Variants in MUC15 observed in about 807,000 individuals in gnomAD.
The protein encoded by MUC15 is mucin-15.
In MUC15, 23 loss-of-function variants were observed where a neutral mutation model predicts 24.0. The observed-to-expected ratio is 0.96, with a 90% CI of 0.69 to 1.36. MUC15 has a LOEUF of 1.36. MUC15 is among the 40% of genes most tolerant of loss of function. MUC15 has a pLI of 0.00. For synonymous variants in MUC15, 151 were observed against 156.3 expected, an observed-to-expected ratio of 0.97 and a Z score of 0.25; for missense variants, 442 against 428.2, an observed-to-expected ratio of 1.03 and a Z score of -0.29.
chr11:26,559,986 C>A lies in MUC15; in HGVS notation c.*1079G>T. ...AACTCTTGATCTCATCCTCTAATCT[C>A]TAAAACCTAGACTTTCCTACATCAA... On this transcript the variant is annotated 3_prime_UTR_variant, in exon 5 of 5. Coordinates refer to ENST00000529533, the MANE Select transcript of MUC15 (RefSeq NM_001135091.2). 1 of 425,622 alleles carries A rather than the reference C, an allele frequency of 2.3e-6. No homozygotes were observed. Among genetic ancestry groups the A allele is most frequent in the South Asian group, 7.3e-5 (1 of 13,762 alleles). 26.4% of individuals were successfully genotyped at this position (425,622 alleles called of 1,614,324 possible).
Position 26,559,910 on chromosome 11 carries a change from G to A in MUC15, c.*1155C>T. ...ATTCAAAAATAAAGCCTCTAGGTTG[G>A]TACTTGATTTGTTTGCTCTCTTCAT... On this transcript the variant is annotated 3_prime_UTR_variant, in exon 5 of 5. Coordinates refer to ENST00000529533, the MANE Select transcript of MUC15 (RefSeq NM_001135091.2). The A allele has an allele frequency of 1.5e-6, 1 of 688,108 alleles. No homozygotes were observed. Among genetic ancestry groups the A allele is most frequent in the Admixed American group, 2.2e-5 (1 of 45,014 alleles). 42.6% of individuals were successfully genotyped at this position (688,108 alleles called of 1,614,324 possible).
chr11:26,564,761 A>AG (rs1850490690), intron 3 of MUC15, among the ~76,000 whole-genome samples: 1 of 94,728 alleles, frequency 1.1e-5, no homozygotes, highest in Non-Finnish European at 2.0e-5. Flanking sequence ...ATATATATAT[A>AG]TATATATATA....
Position 26,565,653 on chromosome 11 carries a change from G to C in MUC15, c.287C>G (p.Ala96Gly), listed in dbSNP as rs200191911. Residue 96 changes from alanine to glycine, a missense_variant, in exon 3 of 5, where the codon GCG becomes GGG. Physicochemically the swap from Ala to Gly is moderately conservative, Grantham distance 60. Transcript: ENST00000529533. ...KENITTSNLK[A>G]SHSPPLNLPN... ...TAGATTCAAAGGAGGGGAATGACTC[G>C]CCTTGAGATTTGAGGTGGTTATATT... is the stretch of plus-strand genomic sequence containing the variant. 3.7e-6 allele frequency: 6 copies of C among 1,613,208 alleles called. No homozygotes were observed. The highest frequency in any genetic ancestry group is 3.4e-6 in the Non-Finnish European group (4 of 1,179,558).
intron 3 of MUC15, 128 bp from the exon 4 acceptor site, chr11:26,563,393 CTCTGTGTG>C (rs760439752): frequency 0.014 from 11,508 of 825,076 alleles, 212 homozygotes; most frequent in Middle Eastern, 0.023. Context: ...GTGTTTCTCT[CTCTGTGTG>C]TGTGTGTGTG....
chr11:26,569,252 A>C (rs974410488), intron 1 of MUC15, among the ~76,000 whole-genome samples: 1 of 152,162 alleles, frequency 6.6e-6, no homozygotes, highest in African/African-American at 2.4e-5. Context: ...AAACGTGCGA[A>C]GCACTCTGTT....
At chr11:26,563,391 C>CTGTGTGTG (rs1324484561) in intron 3 of MUC15, 126 bp from the exon 4 acceptor site, 16 of 840,834 alleles carry the variant, frequency 1.9e-5, no homozygotes, top group South Asian at 8.9e-5. Flanking sequence ...GTGTGTTTCT[C>CTGTGTGTG]TCTCTGTGTG....
At position 26,559,105 on chromosome 11, in the gene MUC15, A is replaced by T. The variant is rs1318931977; in HGVS notation, c.*1960T>A. The T allele has an allele frequency of 6.6e-6, 1 of 152,234 alleles. No individual in the cohort carries two copies. The highest frequency in any genetic ancestry group is 2.4e-5 in the African/African-American group (1 of 41,452). 9.4% of individuals were successfully genotyped at this position (152,234 alleles called of 1,614,324 possible). A position where few individuals can be genotyped will look rare whatever the true frequency, so the allele number is the denominator to read the frequency against. On this transcript the variant is annotated 3_prime_UTR_variant, in exon 5 of 5. Coordinates refer to ENST00000529533, the MANE Select transcript of MUC15 (RefSeq NM_001135091.2). ...TTTGATTCAATAACATTATAAAACT[A>T]TGCATCCTTTATGAAGTTTCAGTTG... is the stretch of plus-strand genomic sequence containing the variant.
rs1373586604 is a variant in MUC15 at position 26,560,989 on chromosome 11, C to T, written c.*76G>A. 89 of 1,437,274 alleles carry T rather than the reference C, an allele frequency of 6.2e-5. 1 individual carries two copies. The East Asian group carries it at 1.6e-3, about 26-fold the overall frequency. The allele number at this position is 1,437,274 out of a possible 1,614,324, so 89.0% of individuals were successfully genotyped here. A position where few individuals can be genotyped will look rare whatever the true frequency, so the allele number is the denominator to read the frequency against. On this transcript the variant is annotated 3_prime_UTR_variant, in exon 5 of 5. Transcript: ENST00000529533. ...TCCACGTGACAGTAATTTTGTGTAA[C>T]CTTTTGAAAGATGAATTTGTCAAAA...
At chr11:26,570,191 T>C (rs1324122393) in intron 1 of MUC15, among the ~76,000 whole-genome samples, 2 of 152,140 alleles carry the variant, frequency 1.3e-5, no homozygotes, top group African/African-American at 2.4e-5. Flanking sequence ...GTCACTGTTT[T>C]AGAACAACTC....
rs550974560 is a variant in MUC15, at chr11:26,565,499, C to G, written c.441G>C (p.Val147=). 1.9e-6 allele frequency: 3 copies of G among 1,613,290 alleles called. No individual in the cohort carries two copies. The South Asian group carries it at 3.3e-5, about 18-fold the overall frequency. Residue 147 remains valine (V), a synonymous_variant, in exon 3 of 5, where the codon GTG becomes GTC. Coordinates refer to ENST00000529533, the MANE Select transcript of MUC15 (RefSeq NM_001135091.2). ...PPLIHSFVSK[V]PWNAPIADED... is the part of the protein sequence containing the mutation. ...CATCTGCTATAGGTGCATTCCAAGG[C>G]ACTTTAGAAACAAAGCTATGGATCA...
chr11:26,562,491 T>C (rs1186796190), intron 4 of MUC15, among the ~76,000 whole-genome samples: 1 of 151,956 alleles, frequency 6.6e-6, no homozygotes. Context: ...AAATTGATAT[T>C]ATATTATTAA....
At chr11:26,564,394 C>A (rs1850432084) in intron 3 of MUC15, among the ~76,000 whole-genome samples, 1 of 149,584 alleles carries the variant, frequency 6.7e-6, no homozygotes, top group East Asian at 2.0e-4. Context: ...CTTAAGTAAA[C>A]CACACTGGAA....
chr11:26,561,182 A>T lies in MUC15; in HGVS notation c.969T>A (p.Phe323Leu). The T allele has an allele frequency of 3.7e-6, 6 of 1,612,438 alleles. No homozygotes were observed. The highest frequency in any genetic ancestry group is 5.1e-6 in the Non-Finnish European group (6 of 1,179,094). ...TTGGATTGTAGTAGCTAGAATTCCC[A>T]AAACTCACATCATAAGGTTCCGGTG... is the stretch of plus-strand genomic sequence containing the variant. ...DNAPEPYDVS[F>L]GNSSYYNPTL... The change falls in exon 5 of 5, where the codon TTT (phenylalanine) becomes TTA (leucine). Residue 323 changes from phenylalanine (F) to leucine (L), a missense_variant. Physicochemically the swap from Phe to Leu is conservative, Grantham distance 22. Transcript: ENST00000529533.
intron 4 of MUC15, among the ~76,000 whole-genome samples, chr11:26,562,757 C>G (rs1850344356): frequency 1.3e-5 from 2 of 151,884 alleles, no homozygotes; most frequent in Admixed American, 1.3e-4. Flanking sequence ...ACTTAATGAT[C>G]TAACAATGGC....
rs1490359503 is a variant in MUC15, at chr11:26,565,469, A to G, written c.471T>C (p.Asp157=). 1 of 1,613,444 alleles carries G rather than the reference A, an allele frequency of 6.2e-7. No individual in the cohort carries two copies. Among genetic ancestry groups the G allele is most frequent in the Admixed American group, 1.7e-5 (1 of 59,924 alleles). The change falls in exon 3 of 5, where the codon GAT becomes GAC. Residue 157 remains aspartate (D), a synonymous_variant. Transcript: ENST00000529533. ...TGGGATGTGCTGAGATGGGCAAAAG[A>G]TCTTCATCTGCTATAGGTGCATTCC... ...VPWNAPIADE[D]LLPISAHPNA... is the part of the protein sequence containing the mutation.
chr11:26,565,963 A>G, intron 2 of MUC15, 67 bp from the exon 3 acceptor site: 3 of 1,352,162 alleles, frequency 2.2e-6, no homozygotes, highest in Non-Finnish European at 3.0e-6. Context: ...ATGGATCTAT[A>G]TATTTTAAAG....
At chr11:26,567,279 A>G in intron 1 of MUC15, 140 bp from the exon 2 acceptor site, 2 of 481,170 alleles carry the variant, frequency 4.2e-6, no homozygotes, top group Non-Finnish European at 7.0e-6. Flanking sequence ...AAATCTGAGT[A>G]CTGATTTCAT....
Position 26,559,665 on chromosome 11 carries a change from TG to T in MUC15, c.*1399del. 1 of 1,304,752 alleles carries T rather than the reference TG, an allele frequency of 7.7e-7. No homozygotes were observed. Among genetic ancestry groups the T allele is most frequent in the East Asian group, 2.3e-5 (1 of 43,314 alleles). The allele number at this position is 1,304,752 out of a possible 1,614,324, so 80.8% of individuals were successfully genotyped here. A position where few individuals can be genotyped will look rare whatever the true frequency, so the allele number is the denominator to read the frequency against. ...GTACCTGAGTGCAAACAGTATTCAC[TG>T]GCTTATTATAATCAATTTGCATGAC... On this transcript the variant is annotated 3_prime_UTR_variant, in exon 5 of 5. Transcript: ENST00000529533.
At chr11:26,566,820 C>T (rs1205760255) in intron 2 of MUC15, among the ~76,000 whole-genome samples, 1 of 151,632 alleles carries the variant, frequency 6.6e-6, no homozygotes, top group Non-Finnish European at 1.5e-5. Flanking sequence ...ACAAATAACT[C>T]ATGAAAAATA....
Sources: allele counts gnomAD v4.1 joint callset (sites outside exome capture counted in the v4.1 genomes callset), GRCh38; gene constraint gnomAD v4.1.1; transcripts MANE v1.5; gene names NCBI Gene and HGNC (gene_info 2026-07-23, HGNC 2026-07-21).